The following MAST4 variants were observed in gnomAD, a reference collection of about 807,000 sequenced individuals.
MAST4 encodes the protein microtubule associated serine/threonine kinase family member 4.
Under a neutral mutation model 162.7 loss-of-function variants are expected in MAST4, and 89 were observed. The observed-to-expected ratio is 0.55, with a 90% CI of 0.46 to 0.65. The LOEUF (loss-of-function observed/expected upper bound fraction) is 0.65. Among genes scored for constraint, MAST4 ranks in the 30% least tolerant of loss-of-function variants. MAST4 has a pLI of 0.00. For synonymous variants in MAST4, 1,479 were observed against 1,361.1 expected (o/e 1.09, Z -1.91); for missense variants, 3,153 against 3,374.0 (o/e 0.93, Z 1.62).
chr5:66,849,421 C>T (rs891604118), intron 3 of MAST4, among the ~76,000 whole-genome samples: 1 of 152,138 alleles, frequency 6.6e-6, no homozygotes, highest in African/African-American at 2.4e-5. Flanking sequence ...TCCCCTCCAC[C>T]TCCCCTTTCC....
chr5:66,963,451 A>G (rs1013248773), intron 4 of MAST4, among the ~76,000 whole-genome samples: 1 of 152,234 alleles, frequency 6.6e-6, no homozygotes, highest in Non-Finnish European at 1.5e-5. Flanking sequence ...TTATCTGCCA[A>G]GTTGCTTTGT....
chr5:66,772,600 A>G (rs939936981), intron 2 of MAST4, among the ~76,000 whole-genome samples: 9 of 152,166 alleles, frequency 5.9e-5, no homozygotes, highest in Admixed American at 2.0e-4. Flanking sequence ...TCAGAGAGAG[A>G]ATGGGATCAC....
At chr5:66,980,259 G>C (rs1047873464) in intron 4 of MAST4, among the ~76,000 whole-genome samples, 1 of 152,170 alleles carries the variant, frequency 6.6e-6, no homozygotes, top group Non-Finnish European at 1.5e-5. Context: ...CTAGATGCAT[G>C]ACAACGCCTC....
At chr5:66,907,158 C>CAAGAGAGAGAGAGAGAGA (rs1554066737) in intron 4 of MAST4, among the ~76,000 whole-genome samples, 2 of 104,262 alleles carry the variant, frequency 1.9e-5, no homozygotes, top group South Asian at 3.7e-4. Flanking sequence ...CTCAGCAAAG[C>CAAGAGAGAGAGAGAGAGA]GAGAGAGAGA....
chr5:66,614,360 T>C (rs1349839185), intron 1 of MAST4, among the ~76,000 whole-genome samples: 1 of 152,212 alleles, frequency 6.6e-6, no homozygotes, highest in African/African-American at 2.4e-5. Flanking sequence ...TTAATCTTAA[T>C]TTTAAAAACT....
chr5:67,007,965 G>A (rs770370728), intron 4 of MAST4, among the ~76,000 whole-genome samples: 11 of 152,178 alleles, frequency 7.2e-5, no homozygotes, highest in African/African-American at 1.2e-4. Flanking sequence ...CTTGTGCTAC[G>A]TCCCAAGGAC....
At chr5:66,919,898 C>CTCCTTCCT (rs770358340) in intron 4 of MAST4, among the ~76,000 whole-genome samples, 29 of 112,230 alleles carry the variant, frequency 2.6e-4, no homozygotes, top group South Asian at 7.5e-4. Context: ...ATTTTTCTCT[C>CTCCTTCCT]TCCTTCCTTC....
rs1384042339 is a variant in MAST4, at chr5:67,164,560, C to G, written c.5381C>G (p.Ser1794Cys). ...SPSEYKLEGR[S>C]VSCLKPIEGT... ...TCCGAGTATAAGCTGGAAGGTAGGT[C>G]TGTCTCATGCCTGAAGCCGATCGAG... Residue 1794 changes from serine to cysteine, a missense_variant, in exon 29 of 29, where the codon TCT (serine) becomes TGT (cysteine). By Grantham distance (112) the Ser-to-Cys change is moderately radical. Coordinates refer to ENST00000403625, the MANE Select transcript of MAST4 (RefSeq NM_001164664.2). This position sits in a 1 kb window ranked among gnomAD's most constrained non-coding sequence, Gnocchi z 5.3. 2 of 1,613,902 alleles carry G rather than the reference C, an allele frequency of 1.2e-6. No homozygotes were observed. The highest frequency in any genetic ancestry group is 8.5e-7 in the Non-Finnish European group (1 of 1,179,902).
Position 67,152,724 on chromosome 5 carries a change from G to T in MAST4, c.3383G>T (p.Ser1128Ile), listed in dbSNP as rs1459568319. 1.2e-6 allele frequency: 2 copies of T among 1,614,008 alleles called. No homozygotes were observed. Among genetic ancestry groups the T allele is most frequent in the South Asian group, 2.2e-5 (2 of 91,090 alleles). ...DPSSSRDSSP[S>I]RDSSAASASP... Reference sequence around the variant, plus strand: ...TCTTCTTCACGAGATTCCTCTCCCAGCCGAGATTCCTCAGCAGCTTCTGCC... The same window carrying T: ...TCTTCTTCACGAGATTCCTCTCCCATCCGAGATTCCTCAGCAGCTTCTGCC... The change falls in exon 25 of 29, where the codon AGC (serine) becomes ATC (isoleucine). Residue 1128 changes from serine to isoleucine, a missense_variant. By Grantham distance (142) the Ser-to-Ile change is moderately radical. Around this residue, in one of 7 missense-constraint regions of MAST4, gnomAD observed 619 missense variants for 744.2 expected, o/e 0.83. Transcript: ENST00000403625.
chr5:66,707,275 T>G (rs1056791887), intron 1 of MAST4, among the ~76,000 whole-genome samples: 4 of 152,286 alleles, frequency 2.6e-5, no homozygotes, highest in African/African-American at 9.6e-5. Context: ...CTCATTTGTT[T>G]CAAGCCATTG....
chr5:66,867,209 C>T (rs1760593788), intron 3 of MAST4, among the ~76,000 whole-genome samples: 1 of 152,016 alleles, frequency 6.6e-6, no homozygotes, highest in Non-Finnish European at 1.5e-5. Flanking sequence ...TATAGATATA[C>T]TTAGTTTTAA....
In MAST4 at chr5:67,166,998, C is replaced by T. The variant is rs766470676; in HGVS notation, c.7819C>T (p.Gln2607Ter). ...LSNEKDFVVR[Q>*]RRGKESLRSS... The stretch of plus-strand genomic sequence containing the variant: ...TAATGAGAAGGACTTTGTGGTACGG[C>T]AGAGGCGGGGGAAAGAGAGTTTGCG... The change falls in exon 29 of 29, where the codon CAG (glutamine) becomes TAG (stop). Residue 2607 changes from glutamine (Q) to a stop codon, truncating the protein, a stop_gained. Coordinates refer to ENST00000403625, the MANE Select transcript of MAST4 (RefSeq NM_001164664.2). LOFTEE classifies it high-confidence loss of function. 5.6e-6 allele frequency: 9 copies of T among 1,608,844 alleles called. No homozygotes were observed. The South Asian group carries it at 9.9e-5, about 18-fold the overall frequency.
At chr5:66,828,804 C>T (rs1561360446) in intron 3 of MAST4, 6 of 1,597,844 alleles carry the variant, frequency 3.8e-6, no homozygotes, top group Non-Finnish European at 4.3e-6. Flanking sequence ...TACAGCATGG[C>T]TAGACTGTTG....
chr5:66,748,593 G>T (rs543912731), intron 1 of MAST4, among the ~76,000 whole-genome samples: 167 of 151,328 alleles, frequency 1.1e-3, no homozygotes, highest in Middle Eastern at 3.4e-3. Flanking sequence ...GGTTCAAGCA[G>T]TTCTCCTGCC....
At chr5:66,924,812 A>C (rs2055474316) in intron 4 of MAST4, among the ~76,000 whole-genome samples, 2 of 152,220 alleles carry the variant, frequency 1.3e-5, no homozygotes, top group Non-Finnish European at 2.9e-5. Context: ...TCACTTAGGG[A>C]AAAGATAGTT....
In MAST4 at chr5:66,986,369, C is replaced by T. The variant is rs1749494769; in HGVS notation, c.675-68035C>T. The T allele has an allele frequency of 5.9e-6, 6 of 1,015,496 alleles. No individual in the cohort carries two copies. In the South Asian group the frequency reaches 7.4e-5, roughly 13 times the overall value. The allele number at this position is 1,015,496 out of a possible 1,614,324, so 62.9% of individuals were successfully genotyped here. ...CCATATGTTGTTACACAGAGAAATA[C>T]TTGCTCTTTATTTTAGAAAGAAAAT... On this transcript the variant is annotated intron_variant, in intron 4 of 28. Coordinates refer to ENST00000403625, the MANE Select transcript of MAST4 (RefSeq NM_001164664.2).
chr5:66,980,952 A>G (rs1748732721), intron 4 of MAST4, among the ~76,000 whole-genome samples: 1 of 152,120 alleles, frequency 6.6e-6, no homozygotes, highest in African/African-American at 2.4e-5. Context: ...GAGGAAGTGA[A>G]CTGCAGGGAT....
chr5:66,891,428 C>T (rs1762356115), intron 3 of MAST4, among the ~76,000 whole-genome samples: 2 of 152,246 alleles, frequency 1.3e-5, no homozygotes, highest in Admixed American at 6.5e-5. Flanking sequence ...CCCATGTTGC[C>T]CTCCCAGAGC....
chr5:67,012,369 A>G (rs1463593297), intron 4 of MAST4, among the ~76,000 whole-genome samples: 1 of 152,184 alleles, frequency 6.6e-6, no homozygotes, highest in African/African-American at 2.4e-5. Context: ...TGTCTCACAC[A>G]GATGGAAACT....
Sources: allele counts gnomAD v4.1 joint callset (sites outside exome capture counted in the v4.1 genomes callset), GRCh38; gene constraint gnomAD v4.1.1; regional missense constraint gnomAD v4.1.1; non-coding constraint Gnocchi (gnomAD v3.1); transcripts MANE v1.5; gene names NCBI Gene and HGNC (gene_info 2026-07-23, HGNC 2026-07-21).